UNC13B: variants seen among roughly 807,000 people sequenced by gnomAD.
UNC13B encodes the protein unc-13 homolog B.
A neutral mutation model predicts 211.0 loss-of-function variants in UNC13B; 144 were observed. The ratio of observed to expected loss-of-function variants is 0.68; its 90% CI spans 0.60 to 0.78. UNC13B has a LOEUF of 0.78. UNC13B is among the 30% of genes least tolerant of loss of function. The probability of loss-of-function intolerance (pLI) is 0.00; values close to 1 mark genes in which losing one functional copy is unlikely to be tolerated. For missense variants in UNC13B, 1,777 were observed against 2,002.0 expected, an observed-to-expected ratio of 0.89 and a Z score of 2.14; for synonymous variants, 709 against 725.8, an observed-to-expected ratio of 0.98 and a Z score of 0.37.
In UNC13B at chr9:35,306,307, T is replaced by C; in HGVS notation, c.6903T>C (p.Ser2301=). The C allele has an allele frequency of 2.5e-6, 1 of 399,044 alleles. No homozygotes were observed. Among genetic ancestry groups the C allele is most frequent in the Non-Finnish European group, 4.4e-6 (1 of 226,048 alleles). The allele number at this position is 399,044 out of a possible 1,614,324, so 24.7% of individuals were successfully genotyped here. ...IEVTSLADEL[S]VDKDCQEKLS... ...TTACCTCCCTTGCAGATGAGCTCAGTGTAGACAAGGACTGTCAGGAAAAAC... is the reference window on the plus strand; with the variant it reads ...TTACCTCCCTTGCAGATGAGCTCAGCGTAGACAAGGACTGTCAGGAAAAAC... Residue 2301 remains serine (S), a synonymous_variant, in exon 9 of 40, where the codon AGT becomes AGC. Coordinates refer to ENST00000635942, the MANE Select transcript of UNC13B (RefSeq NM_001371189.2).
At chr9:35,178,806 TG>T (rs1307000222) in intron 1 of UNC13B, among the ~76,000 whole-genome samples, 3 of 149,814 alleles carry the variant, frequency 2.0e-5, no homozygotes, top group Non-Finnish European at 4.4e-5. Context: ...AAGAATTGCT[TG>T]ACCTTGGGAG....
rs146810048 is a variant in UNC13B at position 35,321,896 on chromosome 9, T to C, written c.9414+7907T>C. On this transcript the variant is annotated intron_variant, in intron 11 of 39. Transcript: ENST00000635942. Reference sequence around the variant, plus strand: ...TTGTACTTTCAGTATTTGAGTGTGCTGTACCAACATTAAGTATTCTTATTT... The same window carrying C: ...TTGTACTTTCAGTATTTGAGTGTGCCGTACCAACATTAAGTATTCTTATTT... Among the ~76,000 whole-genome samples the C allele has an allele frequency of 5.1e-4, 77 of 152,342 alleles. 2 individuals are homozygous for C. The East Asian group carries it at 0.013, about 26-fold the overall frequency.
At chr9:35,359,363 A>C (rs1833244015) in intron 11 of UNC13B, among the ~76,000 whole-genome samples, 1 of 152,114 alleles carries the variant, frequency 6.6e-6, no homozygotes, top group Admixed American at 6.6e-5. Context: ...CCTGGGATTC[A>C]ATCTTGACTT....
At chr9:35,370,207 G>A (rs1269016727) in intron 12 of UNC13B, 111 bp from the exon 13 acceptor site, 1 of 811,624 alleles carries the variant, frequency 1.2e-6, no homozygotes, top group Admixed American at 2.3e-5. Context: ...CATGGTAGAG[G>A]TCAGTTCATC....
At chr9:35,191,539 G>C (rs1822660169) in intron 1 of UNC13B, among the ~76,000 whole-genome samples, 1 of 152,204 alleles carries the variant, frequency 6.6e-6, no homozygotes, top group Non-Finnish European at 1.5e-5. Context: ...CCATGGCTTA[G>C]GAGTCACGCA....
At chr9:35,322,213 A>G (rs937378200) in intron 11 of UNC13B, among the ~76,000 whole-genome samples, 2 of 152,162 alleles carry the variant, frequency 1.3e-5, no homozygotes, top group Non-Finnish European at 2.9e-5. Context: ...TGACATTGCT[A>G]TTGCTGATGA....
chr9:35,301,800 A>G lies in UNC13B; in HGVS notation c.2396A>G (p.Lys799Arg), dbSNP rs1165876329. 1.0e-5 allele frequency: 4 copies of G among 398,876 alleles called. No individual in the cohort carries two copies. Among genetic ancestry groups the G allele is most frequent in the African/African-American group, 2.1e-5 (1 of 48,758 alleles). 24.7% of individuals were successfully genotyped at this position (398,876 alleles called of 1,614,324 possible). The change falls in exon 9 of 40, where the codon AAA (lysine) becomes AGA (arginine). Residue 799 changes from lysine (K) to arginine (R), a missense_variant. Lys to Arg is a conservative substitution (Grantham distance 26, BLOSUM62 2). Transcript: ENST00000635942. ...TTTTCAAAGCCATTAGAGGAGGACA[A>G]AGTTACAGGTAATGATGATTTCCTT... ...EVFSKPLEED[K>R]VTGNDDFLEP...
chr9:35,193,177 G>A (rs1357485532), intron 1 of UNC13B, among the ~76,000 whole-genome samples: 1 of 152,130 alleles, frequency 6.6e-6, no homozygotes, highest in Non-Finnish European at 1.5e-5. Flanking sequence ...GTTGCATTTG[G>A]GCAATTGTTG....
chr9:35,291,931 C>A (rs1829118605), intron 7 of UNC13B, among the ~76,000 whole-genome samples: 1 of 152,164 alleles, frequency 6.6e-6, no homozygotes, highest in South Asian at 2.1e-4. Context: ...CCCATTTATG[C>A]CTAGTGTTCC....
At chr9:35,351,535 A>AT in intron 11 of UNC13B, 3 of 1,232,362 alleles carry the variant, frequency 2.4e-6, no homozygotes, top group Non-Finnish European at 3.0e-6. Context: ...AAATGAAGCG[A>AT]TTGTTGCAAG....
chr9:35,387,786 A>T (rs1382662104), intron 24 of UNC13B, among the ~76,000 whole-genome samples: 2 of 152,218 alleles, frequency 1.3e-5, no homozygotes, highest in Non-Finnish European at 2.9e-5. Flanking sequence ...TGAGTAAGAG[A>T]CATTTCAGCC....
Position 35,302,159 on chromosome 9 carries a change from T to G in UNC13B, c.2755T>G (p.Cys919Gly). ...CACTGATGAGGAGAGCAAAAAAAATTGCCATGAAGATACCAAACATAGTTC... is the reference window on the plus strand; with the variant it reads ...CACTGATGAGGAGAGCAAAAAAAATGGCCATGAAGATACCAAACATAGTTC... ...VTTDEESKKN[C>G]HEDTKHSSIK... Residue 919 changes from cysteine (C) to glycine (G), a missense_variant, in exon 9 of 40, where the codon TGC (cysteine) becomes GGC (glycine). Physicochemically the swap from Cys to Gly is radical, Grantham distance 159. Coordinates refer to ENST00000635942, the MANE Select transcript of UNC13B (RefSeq NM_001371189.2). 1 of 398,736 alleles carries G rather than the reference T, an allele frequency of 2.5e-6. No individual in the cohort carries two copies. The highest frequency in any genetic ancestry group is 4.4e-6 in the Non-Finnish European group (1 of 225,820). 24.7% of individuals were successfully genotyped at this position (398,736 alleles called of 1,614,324 possible).
intron 7 of UNC13B, among the ~76,000 whole-genome samples, chr9:35,291,376 G>A (rs1318780438): frequency 1.3e-5 from 2 of 152,188 alleles, no homozygotes; most frequent in East Asian, 1.9e-4. Flanking sequence ...ATTCCCCAGA[G>A]GCAAGTAGTA....
chr9:35,403,088 A>C, intron 37 of UNC13B, 79 bp from the exon 38 acceptor site: 1 of 1,270,478 alleles, frequency 7.9e-7, no homozygotes. Flanking sequence ...TTTTGGGTAT[A>C]GGGTGGTGAC....
chr9:35,315,046 T>A (rs925585125), intron 11 of UNC13B, among the ~76,000 whole-genome samples: 3 of 144,592 alleles, frequency 2.1e-5, no homozygotes, highest in Admixed American at 6.9e-5. Flanking sequence ...CTGGCTAATT[T>A]AAAAAAAATT....
At chr9:35,224,810 TATATCA>T (rs1276264349) in intron 1 of UNC13B, among the ~76,000 whole-genome samples, 1 of 152,088 alleles carries the variant, frequency 6.6e-6, no homozygotes, top group East Asian at 1.9e-4. Context: ...AATCAAGTAA[TATATCA>T]AAAAGATAAT....
intron 1 of UNC13B, among the ~76,000 whole-genome samples, chr9:35,198,912 CAGGTTTGTT>C (rs1311467650): frequency 2.6e-5 from 4 of 152,108 alleles, no homozygotes; most frequent in Non-Finnish European, 5.9e-5. Context: ...GCACAACGTG[CAGGTTTGTT>C]ACATATGTAT....
chr9:35,187,219 A>C (rs188881105), intron 1 of UNC13B, among the ~76,000 whole-genome samples: 2 of 152,312 alleles, frequency 1.3e-5, no homozygotes, highest in East Asian at 3.9e-4. Flanking sequence ...GGATCTATGA[A>C]GTTTCTTGGT....
intron 11 of UNC13B, chr9:35,364,579 G>C (rs1465094856): frequency 6.5e-7 from 1 of 1,535,918 alleles, no homozygotes; most frequent in Admixed American, 2.0e-5. Flanking sequence ...TTGTGCCTAT[G>C]ACCCTTTGGG....
Sources: allele counts gnomAD v4.1 joint callset (sites outside exome capture counted in the v4.1 genomes callset), GRCh38; gene constraint gnomAD v4.1.1; transcripts MANE v1.5; gene names NCBI Gene and HGNC (gene_info 2026-07-23, HGNC 2026-07-21).